Variants in PATJ observed in about 807,000 individuals in gnomAD.
PATJ encodes the protein PATJ crumbs cell polarity complex component.
Under a neutral mutation model 224.9 loss-of-function variants are expected in PATJ, and 190 were observed. The ratio of observed to expected loss-of-function variants is 0.84; its 90% CI spans 0.75 to 0.95. The LOEUF is 0.95. PATJ is among the 40% of genes least tolerant of loss of function. The pLI is 0.00. For missense variants in PATJ, 2,121 were observed against 2,270.3 expected, an observed-to-expected ratio of 0.93 and a Z score of 1.34; for synonymous variants, 769 against 820.3, an observed-to-expected ratio of 0.94 and a Z score of 1.07.
intron 18 of PATJ, among the ~76,000 whole-genome samples, chr1:61,861,284 C>CTTTTTTTTTTTTT: frequency 0.024 from 1,185 of 48,502 alleles, 105 homozygotes; most frequent in Non-Finnish European, 0.029. Flanking sequence ...TTCTTTCTTT[C>CTTTTTTTTTTTTT]TTTTTTTTTT....
intron 33 of PATJ, among the ~76,000 whole-genome samples, chr1:62,091,705 C>G (rs1660750379): frequency 6.6e-6 from 1 of 151,114 alleles, no homozygotes; most frequent in South Asian, 2.1e-4. Flanking sequence ...TCACTTGAGC[C>G]TAGGAGTTTG....
chr1:61,766,257 T>G (rs200283451), intron 3 of PATJ, 22 bp from the exon 4 acceptor site: 2 of 1,270,004 alleles, frequency 1.6e-6, no homozygotes, highest in Non-Finnish European at 2.2e-6. Context: ...TTCTGTTGAT[T>G]CTTTTTTTTT....
chr1:61,917,369 A>G (rs1175769682), intron 26 of PATJ, among the ~76,000 whole-genome samples: 1 of 152,190 alleles, frequency 6.6e-6, no homozygotes, highest in East Asian at 1.9e-4. Context: ...AGGTTAAGGA[A>G]ATACTCTCTT....
chr1:61,922,903 C>G (rs552038253), intron 26 of PATJ, among the ~76,000 whole-genome samples: 1 of 152,180 alleles, frequency 6.6e-6, no homozygotes, highest in Non-Finnish European at 1.5e-5. Context: ...ATGAACACCA[C>G]GTAGGTGAAT....
intron 39 of PATJ, 66 bp from the exon 40 acceptor site, chr1:62,127,906 T>C: frequency 6.4e-7 from 1 of 1,560,654 alleles, no homozygotes; most frequent in East Asian, 2.2e-5. Flanking sequence ...CAGCTATCTA[T>C]CTAGGGATAG....
chr1:62,158,720 C>CAAAAAAAA, intron 43 of PATJ, among the ~76,000 whole-genome samples: 1 of 77,092 alleles, frequency 1.3e-5, no homozygotes, highest in Non-Finnish European at 2.4e-5. Context: ...GACTCTGTCT[C>CAAAAAAAA]AAAAAAAAAA....
At chr1:62,044,272 C>G (rs557427264) in intron 30 of PATJ, among the ~76,000 whole-genome samples, 7 of 152,328 alleles carry the variant, frequency 4.6e-5, no homozygotes, top group Admixed American at 3.9e-4. Flanking sequence ...CTTCAACCTT[C>G]ACCCCATCCA....
intron 41 of PATJ, among the ~76,000 whole-genome samples, chr1:62,142,781 A>T (rs1357860757): frequency 6.6e-6 from 1 of 152,156 alleles, no homozygotes. Context: ...GATGGGGGGA[A>T]TTCCCCGCCT....
intron 24 of PATJ, among the ~76,000 whole-genome samples, chr1:61,904,019 C>T (rs1671550803): frequency 6.6e-6 from 1 of 152,232 alleles, no homozygotes; most frequent in African/African-American, 2.4e-5. Context: ...GGTGATCCGC[C>T]CACCTCAGCC....
chr1:62,026,462 T>TGTGTGTGTG (rs1647931942), intron 29 of PATJ, among the ~76,000 whole-genome samples: 1 of 123,488 alleles, frequency 8.1e-6, no homozygotes, highest in African/African-American at 3.3e-5. Context: ...TATTCAACAT[T>TGTGTGTGTG]TGTGTGTGTG....
chr1:61,796,691 T>TTTC (rs1491251684), intron 10 of PATJ, among the ~76,000 whole-genome samples: 2 of 32,660 alleles, frequency 6.1e-5, no homozygotes, highest in African/African-American at 1.7e-4. Flanking sequence ...TCTTTCTTTC[T>TTTC]TTCTTTCTTT....
In PATJ at chr1:61,761,383, G is replaced by T. The variant is rs188927606; in HGVS notation, c.-35-1475G>T. Among the ~76,000 whole-genome samples, 93 of 152,236 alleles carry T rather than the reference G, an allele frequency of 6.1e-4. No individual in the cohort carries two copies. In the East Asian group the frequency reaches 8.9e-3, roughly 15 times the overall value. The stretch of plus-strand genomic sequence containing the variant: ...CTTCCTTGAACCCCTTCCCAGTGTA[G>T]GGGAGGGAAAATAGCCTCTACCCTT... On this transcript the variant is annotated intron_variant, in intron 1 of 43. Coordinates refer to ENST00000642238, the MANE Select transcript of PATJ (RefSeq NM_001350145.3).
intron 7 of PATJ, among the ~76,000 whole-genome samples, chr1:61,785,693 A>G (rs1465670860): frequency 6.6e-6 from 1 of 152,216 alleles, no homozygotes; most frequent in Non-Finnish European, 1.5e-5. Flanking sequence ...AATTTAGGAA[A>G]AATTTTGTAA....
At chr1:62,016,837 C>T (rs1646796022) in intron 28 of PATJ, among the ~76,000 whole-genome samples, 5 of 152,068 alleles carry the variant, frequency 3.3e-5, no homozygotes, top group Admixed American at 3.3e-4. Flanking sequence ...ATGTAATAAC[C>T]TTGACATGTT....
intron 33 of PATJ, among the ~76,000 whole-genome samples, chr1:62,090,242 CTGT>C (rs966099937): frequency 5.9e-5 from 9 of 152,136 alleles, no homozygotes; most frequent in African/African-American, 1.9e-4. Context: ...AGACTTCTGC[CTGT>C]TGTTTTAATC....
chr1:62,006,772 A>G (rs1646119384), intron 28 of PATJ, among the ~76,000 whole-genome samples: 1 of 152,234 alleles, frequency 6.6e-6, no homozygotes, highest in South Asian at 2.1e-4. Context: ...CCGTTATAAT[A>G]TAGCTTAGAA....
chr1:62,059,019 A>G (rs1291153017), intron 31 of PATJ, among the ~76,000 whole-genome samples: 2 of 152,166 alleles, frequency 1.3e-5, no homozygotes, highest in South Asian at 2.1e-4. Context: ...CTGCCCTTCA[A>G]TTATGTACTC....
intron 15 of PATJ, among the ~76,000 whole-genome samples, chr1:61,823,298 A>AAATG (rs1410978167): frequency 6.6e-6 from 1 of 152,252 alleles, no homozygotes; most frequent in East Asian, 1.9e-4. Flanking sequence ...TTCTTTATTT[A>AAATG]AATGAATGAC....
chr1:62,142,318 T>C (rs1280476818), intron 41 of PATJ, among the ~76,000 whole-genome samples: 3 of 152,106 alleles, frequency 2.0e-5, no homozygotes, highest in African/African-American at 7.2e-5. Flanking sequence ...TAGCAAACTG[T>C]GCCATTCCAT....
Sources: gnomAD v4.1 joint callset for allele counts (sites outside exome capture counted in the v4.1 genomes callset) on GRCh38, gnomAD v4.1.1 for gene constraint, MANE v1.5 for transcripts, NCBI Gene and HGNC (gene_info 2026-07-23, HGNC 2026-07-21) for gene names.